The following UBXN7 variants were observed in gnomAD, a reference collection of about 807,000 sequenced individuals.
UBXN7 encodes the protein UBX domain protein 7, also known as UBX domain-containing protein 7.
Under a neutral mutation model 58.0 loss-of-function variants are expected in UBXN7, and 9 were observed. The observed-to-expected ratio is 0.16, with a 90% CI of 0.09 to 0.27. The LOEUF (loss-of-function observed/expected upper bound fraction) is 0.27. Among genes scored for constraint, UBXN7 ranks in the 10% least tolerant of loss-of-function variants. The pLI, the probability that UBXN7 is intolerant of heterozygous loss-of-function variation, is 1.00. For missense variants in UBXN7, 328 were observed against 599.6 expected (o/e 0.55, Z 4.73); for synonymous variants, 208 against 205.0 (o/e 1.01, Z -0.12).
rs544294611 is a variant in UBXN7, at chr3:196,420,456, G to A, written c.73+11871C>T. On this transcript the variant is annotated intron_variant, in intron 1 of 10. Transcript: ENST00000296328. ...TGAGGCAGAAGAATCGTTTGACCCC[G>A]GGAGGTGGAGGTTGCAGTGAGCCAA... 4.6e-5 allele frequency among the ~76,000 whole-genome samples: 7 copies of A among 151,842 alleles called. No individual in the cohort carries two copies. In the East Asian group the frequency reaches 1.2e-3, roughly 25 times the overall value.
chr3:196,422,396 A>T (rs1730716765), intron 1 of UBXN7, among the ~76,000 whole-genome samples: 1 of 151,694 alleles, frequency 6.6e-6, no homozygotes, highest in African/African-American at 2.4e-5. Context: ...CAGGAGGATT[A>T]TTGACCCCAG....
At chr3:196,378,773 G>A (rs2057758053) in intron 5 of UBXN7, among the ~76,000 whole-genome samples, 1 of 151,658 alleles carries the variant, frequency 6.6e-6, no homozygotes, top group African/African-American at 2.4e-5. Context: ...TTCTTTCCAT[G>A]TTGGTTTTGG....
chr3:196,380,310 G>C (rs931839642), intron 5 of UBXN7, among the ~76,000 whole-genome samples: 4 of 151,954 alleles, frequency 2.6e-5, no homozygotes, highest in African/African-American at 9.7e-5. Flanking sequence ...TCCATAGGCA[G>C]AGGAGCCTTC....
intron 4 of UBXN7, among the ~76,000 whole-genome samples, chr3:196,393,244 T>A (rs1729639454): frequency 6.6e-6 from 1 of 152,220 alleles, no homozygotes; most frequent in African/African-American, 2.4e-5. Flanking sequence ...TTGACAGAAG[T>A]CAGGATCCTG....
chr3:196,391,136 C>G (rs930843629), intron 5 of UBXN7, among the ~76,000 whole-genome samples: 1 of 152,070 alleles, frequency 6.6e-6, no homozygotes, highest in African/African-American at 2.4e-5. Context: ...CAAAAGACAC[C>G]TATCAACAAT....
At chr3:196,432,081 G>A (rs1423303953) in intron 1 of UBXN7, 2 of 622,140 alleles carry the variant, frequency 3.2e-6, no homozygotes, top group African/African-American at 3.6e-5. Context: ...TGGGCTGGCG[G>A]GGGGTTGGGG....
At chr3:196,389,230 T>G (rs1046494925) in intron 5 of UBXN7, among the ~76,000 whole-genome samples, 3 of 152,084 alleles carry the variant, frequency 2.0e-5, no homozygotes, top group Admixed American at 1.3e-4. Flanking sequence ...ACCAGAATAC[T>G]AGAAAGGATA....
Position 196,362,319 on chromosome 3 carries a change from T to C in UBXN7, c.1203A>G (p.Gly401=). 6.2e-7 allele frequency: 1 copy of C among 1,610,930 alleles called. No individual in the cohort carries two copies. The highest frequency in any genetic ancestry group is 8.5e-7 in the Non-Finnish European group (1 of 1,178,860). ...ILEMPPEKAD[G]VVEGIDVNGP... is the part of the protein sequence containing the mutation. ...CATTTACATCTATCCCCTCCACTAC[T>C]CCATCTGCTTTTTCAGGTGGCATCT... is the stretch of plus-strand genomic sequence containing the variant. The change falls in exon 9 of 11, where the codon GGA becomes GGG. Residue 401 remains glycine (G), a synonymous_variant. Transcript: ENST00000296328.
chr3:196,401,298 TACACACACAC>T (rs71630187), intron 3 of UBXN7, among the ~76,000 whole-genome samples: 1 of 61,694 alleles, frequency 1.6e-5, no homozygotes, highest in Non-Finnish European at 2.7e-5. Flanking sequence ...TATATATATA[TACACACACAC>T]ACACACACAC....
chr3:196,363,249 TAA>T (rs1491478026), intron 8 of UBXN7, among the ~76,000 whole-genome samples: 14 of 38,198 alleles, frequency 3.7e-4, no homozygotes, highest in South Asian at 2.2e-3. Context: ...CATACATACA[TAA>T]ATATATATAT....
Position 196,353,426 on chromosome 3 carries a change from G to T in UBXN7, c.*3259C>A, listed in dbSNP as rs961998278. On this transcript the variant is annotated 3_prime_UTR_variant, in exon 11 of 11. Coordinates refer to ENST00000296328, the MANE Select transcript of UBXN7 (RefSeq NM_015562.2). ...TGTTTTCTCTTCTCCAGTTCCTTCC[G>T]ATACCAATTTCAAAAAAGTATTCCT... 1 of 150,958 alleles carries T rather than the reference G, an allele frequency of 6.6e-6. No individual in the cohort carries two copies. The highest frequency in any genetic ancestry group is 1.9e-4 in the East Asian group (1 of 5,178). 9.4% of individuals were successfully genotyped at this position (150,958 alleles called of 1,614,324 possible).
chr3:196,353,093 T>A lies in UBXN7; in HGVS notation c.*3592A>T, dbSNP rs536310178. 1 of 152,260 alleles carries A rather than the reference T, an allele frequency of 6.6e-6. No individual in the cohort carries two copies. Among genetic ancestry groups the A allele is most frequent in the South Asian group, 2.1e-4 (1 of 4,826 alleles). 9.4% of individuals were successfully genotyped at this position (152,260 alleles called of 1,614,324 possible). ...AATCCCACAACTTTAACCCAACTACTTCCTCTATATTTATGGGAACAAAAC... is the reference window on the plus strand; with the variant it reads ...AATCCCACAACTTTAACCCAACTACATCCTCTATATTTATGGGAACAAAAC... On this transcript the variant is annotated 3_prime_UTR_variant, in exon 11 of 11. Coordinates refer to ENST00000296328, the MANE Select transcript of UBXN7 (RefSeq NM_015562.2).
chr3:196,383,650 CAAA>C (rs1170461902), intron 5 of UBXN7, among the ~76,000 whole-genome samples: 1 of 152,204 alleles, frequency 6.6e-6, no homozygotes, highest in Non-Finnish European at 1.5e-5. Flanking sequence ...GAAACTCATT[CAAA>C]ACTGCACAAC....
chr3:196,413,868 T>G (rs1189660409), intron 1 of UBXN7, among the ~76,000 whole-genome samples: 1 of 152,194 alleles, frequency 6.6e-6, no homozygotes, highest in Non-Finnish European at 1.5e-5. Flanking sequence ...AAATCATCTC[T>G]AGATTACTTA....
At chr3:196,387,355 T>C (rs1470102967) in intron 5 of UBXN7, among the ~76,000 whole-genome samples, 5 of 152,150 alleles carry the variant, frequency 3.3e-5, no homozygotes, top group African/African-American at 7.2e-5. Flanking sequence ...ACCTAGGCAA[T>C]ACCATTCAGG....
chr3:196,402,203 T>C lies in UBXN7; in HGVS notation c.289+749A>G, dbSNP rs1026628632. Among the ~76,000 whole-genome samples the C allele has an allele frequency of 3.9e-5, 6 of 152,270 alleles. No homozygotes were observed. The East Asian group carries it at 7.7e-4, about 20-fold the overall frequency. ...GCCTAGCTAATTTTTGTACTTTTAGTAGAGATGGGATTTTGACATGTTGGC... is the reference window on the plus strand; with the variant it reads ...GCCTAGCTAATTTTTGTACTTTTAGCAGAGATGGGATTTTGACATGTTGGC... On this transcript the variant is annotated intron_variant, in intron 3 of 10. Transcript: ENST00000296328.
At chr3:196,428,426 C>T (rs1272938204) in intron 1 of UBXN7, among the ~76,000 whole-genome samples, 2 of 147,284 alleles carry the variant, frequency 1.4e-5, no homozygotes, top group African/African-American at 5.1e-5. Context: ...GTACTCCAGC[C>T]TGGGTGACAG....
chr3:196,354,878 C>T lies in UBXN7; in HGVS notation c.*1807G>A, dbSNP rs1171156731. On this transcript the variant is annotated 3_prime_UTR_variant, in exon 11 of 11. Transcript: ENST00000296328. ...TTATAAATATTTATACAATTATATA[C>T]TTATACATAAGCACTTACACAGACT... is the stretch of plus-strand genomic sequence containing the variant. 2 of 151,408 alleles carry T rather than the reference C, an allele frequency of 1.3e-5. No homozygotes were observed. The highest frequency in any genetic ancestry group is 2.9e-5 in the Non-Finnish European group (2 of 67,882). 9.4% of individuals were successfully genotyped at this position (151,408 alleles called of 1,614,324 possible).
intron 4 of UBXN7, among the ~76,000 whole-genome samples, chr3:196,392,289 G>A (rs1249281914): frequency 6.6e-6 from 1 of 151,902 alleles, no homozygotes; most frequent in Non-Finnish European, 1.5e-5. Context: ...ATCACCTGAG[G>A]TCAGGAGTTT....
Sources: allele counts gnomAD v4.1 joint callset (sites outside exome capture counted in the v4.1 genomes callset), GRCh38; gene constraint gnomAD v4.1.1; transcripts MANE v1.5; gene names NCBI Gene and HGNC (gene_info 2026-07-23, HGNC 2026-07-21).